The following CSMD1 variants were observed in gnomAD, a reference collection of about 807,000 sequenced individuals.
The protein encoded by CSMD1 is CUB and Sushi multiple domains 1, also known as CUB and sushi domain-containing protein 1.
A neutral mutation model predicts 417.5 loss-of-function variants in CSMD1; 213 were observed. That is an observed-to-expected ratio of 0.51 (90% CI 0.46 to 0.57). The LOEUF is 0.57. Among genes scored for constraint, CSMD1 ranks in the 20% least tolerant of loss-of-function variants. CSMD1 has a pLI of 0.00. For synonymous variants in CSMD1, 2,862 were observed against 1,736.8 expected (o/e 1.65, Z -16.11); for missense variants, 6,923 against 4,529.7 (o/e 1.53, Z -15.17).
intron 3 of CSMD1, among the ~76,000 whole-genome samples, chr8:4,307,413 G>T (rs569466640): frequency 6.6e-6 from 1 of 152,046 alleles, no homozygotes; most frequent in African/African-American, 2.4e-5. Context: ...CACAATTCTC[G>T]TATCACACCA....
At chr8:3,441,910 G>C (rs529313499) in intron 12 of CSMD1, among the ~76,000 whole-genome samples, 10 of 152,188 alleles carry the variant, frequency 6.6e-5, no homozygotes, top group Middle Eastern at 3.4e-3. Flanking sequence ...AGAAGGCATT[G>C]AGATCACTGA....
intron 3 of CSMD1, among the ~76,000 whole-genome samples, chr8:4,298,487 G>GAGT (rs1314232165): frequency 1.3e-5 from 2 of 152,058 alleles, no homozygotes; most frequent in Non-Finnish European, 2.9e-5. Context: ...TATATTATTT[G>GAGT]AGTAATGGAT....
intron 3 of CSMD1, among the ~76,000 whole-genome samples, chr8:4,303,076 T>C (rs1481293418): frequency 6.6e-6 from 1 of 152,142 alleles, no homozygotes; most frequent in Non-Finnish European, 1.5e-5. Flanking sequence ...AAAATGATTT[T>C]ACACAGACAA....
In CSMD1 at chr8:3,517,521, T is replaced by C. The variant is rs562053492; in HGVS notation, c.1345-23795A>G. Among the ~76,000 whole-genome samples the C allele has an allele frequency of 3.9e-5, 6 of 152,330 alleles. No homozygotes were observed. The East Asian group carries it at 5.8e-4, about 15-fold the overall frequency. On this transcript the variant is annotated intron_variant, in intron 10 of 69. Coordinates refer to ENST00000635120, the MANE Select transcript of CSMD1 (RefSeq NM_033225.6). ...ATACTTAGAAAATGTCAGGTTCCAA[T>C]GTCACACAAGTCCCTGGGAGAATGG...
At chr8:3,906,595 A>T (rs1292294179) in intron 5 of CSMD1, among the ~76,000 whole-genome samples, 1 of 151,894 alleles carries the variant, frequency 6.6e-6, no homozygotes, top group Non-Finnish European at 1.5e-5. Context: ...TCATCATAAA[A>T]GGTAATACTC....
chr8:4,188,370 G>C (rs991165604), intron 3 of CSMD1, among the ~76,000 whole-genome samples: 1 of 152,138 alleles, frequency 6.6e-6, no homozygotes, highest in African/African-American at 2.4e-5. Flanking sequence ...CATTCATTCT[G>C]CATAATAGCA....
At chr8:4,081,971 G>T (rs945912774) in intron 3 of CSMD1, among the ~76,000 whole-genome samples, 1 of 152,062 alleles carries the variant, frequency 6.6e-6, no homozygotes, top group Non-Finnish European at 1.5e-5. Flanking sequence ...AATTATTTAA[G>T]ATTCTGCCTC....
intron 49 of CSMD1, among the ~76,000 whole-genome samples, chr8:3,071,942 G>A (rs1252143150): frequency 6.6e-6 from 1 of 152,160 alleles, no homozygotes; most frequent in East Asian, 1.9e-4. Context: ...TACTCCTCAT[G>A]ACACCTGGAA....
chr8:3,674,112 C>CA (rs376142024), intron 7 of CSMD1, among the ~76,000 whole-genome samples: 4 of 147,726 alleles, frequency 2.7e-5, no homozygotes, highest in Admixed American at 6.8e-5. Context: ...TCTCAAAAGA[C>CA]AAAAAAAATC....
chr8:3,918,825 A>C (rs1009300824), intron 5 of CSMD1, among the ~76,000 whole-genome samples: 4 of 152,104 alleles, frequency 2.6e-5, no homozygotes, highest in African/African-American at 9.7e-5. Context: ...GAGCCAAACT[A>C]TGAGGATGCA....
chr8:3,309,876 A>T (rs1376724698), intron 23 of CSMD1, among the ~76,000 whole-genome samples: 1 of 152,182 alleles, frequency 6.6e-6, no homozygotes, highest in African/African-American at 2.4e-5. Flanking sequence ...GTATAGGAGA[A>T]AGAGGACATG....
chr8:3,936,184 GAA>G (rs35166741), intron 5 of CSMD1, among the ~76,000 whole-genome samples: 1,541 of 142,596 alleles, frequency 0.011, 24 homozygotes, highest in African/African-American at 0.034. Flanking sequence ...TAGGGTTTAA[GAA>G]AAAAAAAAAA....
intron 1 of CSMD1, among the ~76,000 whole-genome samples, chr8:4,714,641 T>C (rs1357359384): frequency 2.7e-5 from 1 of 36,738 alleles, no homozygotes; most frequent in Non-Finnish European, 4.9e-5. Flanking sequence ...CACAGGCCCT[T>C]TCCCCAGAAA....
At chr8:3,969,766 C>A (rs1319006347) in intron 5 of CSMD1, among the ~76,000 whole-genome samples, 1 of 150,800 alleles carries the variant, frequency 6.6e-6, no homozygotes, top group Admixed American at 6.6e-5. Flanking sequence ...TACATATTAC[C>A]ATTTTAAATC....
At chr8:3,539,227 G>A (rs1184181152) in intron 10 of CSMD1, among the ~76,000 whole-genome samples, 3 of 152,164 alleles carry the variant, frequency 2.0e-5, no homozygotes, top group Admixed American at 2.0e-4. Context: ...GCTGCCTCAT[G>A]TGTATCATTA....
chr8:3,580,264 G>C (rs193287738), intron 9 of CSMD1, among the ~76,000 whole-genome samples: 1 of 152,236 alleles, frequency 6.6e-6, no homozygotes, highest in East Asian at 1.9e-4. Context: ...GGAGAAAACT[G>C]CTTTGAAGAA....
Position 4,936,474 on chromosome 8 carries a change from C to A in CSMD1, c.85+57858G>T, listed in dbSNP as rs181375248. 2.9e-3 allele frequency among the ~76,000 whole-genome samples: 439 copies of A among 152,266 alleles called. 1 individual carries two copies. The highest frequency in any genetic ancestry group is 0.01 in the African/African-American group (420 of 41,570). Reference sequence around the variant, plus strand: ...TCCAGAACATCTTATTATTTCAAGGCTTTAAAACTTTGCCCACCTTTTCCA... The same window carrying A: ...TCCAGAACATCTTATTATTTCAAGGATTTAAAACTTTGCCCACCTTTTCCA... On this transcript the variant is annotated intron_variant, in intron 1 of 69. Transcript: ENST00000635120.
chr8:3,612,823 G>T (rs1158404163), intron 8 of CSMD1, among the ~76,000 whole-genome samples: 1 of 151,938 alleles, frequency 6.6e-6, no homozygotes, highest in Non-Finnish European at 1.5e-5. Context: ...CATTTAGAAA[G>T]AATAAAGGTC....
chr8:4,743,933 G>A (rs1422849583), intron 1 of CSMD1, among the ~76,000 whole-genome samples: 2 of 152,182 alleles, frequency 1.3e-5, no homozygotes, highest in African/African-American at 2.4e-5. Context: ...ATAAACCACA[G>A]CACTTTCTCT....
Sources: allele counts gnomAD v4.1 joint callset (sites outside exome capture counted in the v4.1 genomes callset), GRCh38; gene constraint gnomAD v4.1.1; transcripts MANE v1.5; gene names NCBI Gene and HGNC (gene_info 2026-07-23, HGNC 2026-07-21).